NINJ2: variants seen among roughly 807,000 people sequenced by gnomAD.
NINJ2 encodes ninjurin 2.
Under a neutral mutation model 11.7 loss-of-function variants are expected in NINJ2, and 12 were observed. The observed-to-expected ratio is 1.02, with a 90% confidence interval of 0.66 to 1.66. The LOEUF (loss-of-function observed/expected upper bound fraction) is 1.66. NINJ2 is among the 40% of genes most tolerant of loss of function. The pLI, the probability that NINJ2 is intolerant of heterozygous loss-of-function variation, is 0.00. For missense variants in NINJ2, 187 were observed against 181.8 expected, an observed-to-expected ratio of 1.03 and a Z score of -0.16; for synonymous variants, 93 against 76.8, an observed-to-expected ratio of 1.21 and a Z score of -1.10.
intron 1 of NINJ2, among the ~76,000 whole-genome samples, chr12:652,174 A>C (rs1937805176): frequency 6.6e-6 from 1 of 152,178 alleles, no homozygotes. Context: ...GAAAGAATAC[A>C]CAAGAAAAAA....
intron 1 of NINJ2, among the ~76,000 whole-genome samples, chr12:639,555 GAAAA>G (rs950986532): frequency 5.1e-4 from 77 of 151,752 alleles, no homozygotes; most frequent in Non-Finnish European, 5.7e-4. Flanking sequence ...GAACAGAAAA[GAAAA>G]AAAAGTCCCC....
intron 1 of NINJ2, among the ~76,000 whole-genome samples, chr12:571,005 T>A (rs185821766): frequency 6.6e-6 from 1 of 152,250 alleles, no homozygotes; most frequent in African/African-American, 2.4e-5. Flanking sequence ...TTTCCCAGGC[T>A]GAGATCCCTC....
At position 591,078 on chromosome 12, in the gene NINJ2, T is replaced by C. The variant is rs143779594; in HGVS notation, c.34-24900A>G. ...GAATCCAGGACACTAGCACTCACTA[T>C]CAAGGTTATAGGGAGGTGGCAGAGA... On this transcript the variant is annotated intron_variant, in intron 1 of 3. Coordinates refer to ENST00000305108, the MANE Select transcript of NINJ2 (RefSeq NM_016533.6). This position sits in a 1 kb window ranked among gnomAD's most constrained non-coding sequence, Gnocchi z 5.0. 1.3e-5 allele frequency: 2 copies of C among 152,318 alleles called. No homozygotes were observed. Among genetic ancestry groups the C allele is most frequent in the East Asian group, 3.9e-4 (2 of 5,176 alleles). 9.4% of individuals were successfully genotyped at this position (152,318 alleles called of 1,614,324 possible).
Position 658,366 on chromosome 12 carries a change from G to A in NINJ2, c.33+4962C>T, listed in dbSNP as rs116757321. ...CTTGGAAGCAACCAAGATGTCCTTC[G>A]GTAGGTGAATAAAATAAACAGTAGT... is the stretch of plus-strand genomic sequence containing the variant. On this transcript the variant is annotated intron_variant, in intron 1 of 3. Transcript: ENST00000305108. Among the ~76,000 whole-genome samples the A allele has an allele frequency of 8.8e-3, 1,331 of 152,016 alleles. 20 individuals are homozygous for A. The highest frequency in any genetic ancestry group is 0.029 in the African/African-American group (1,212 of 41,446).
intron 1 of NINJ2, among the ~76,000 whole-genome samples, chr12:598,409 G>C (rs11063797): frequency 0.38 from 57,799 of 152,018 alleles, 11,403 homozygotes; most frequent in African/African-American, 0.49. Flanking sequence ...GAGAGGACTG[G>C]AGAGGGCTGC....
At chr12:587,652 G>A (rs2607935) in intron 1 of NINJ2, among the ~76,000 whole-genome samples, 73,953 of 151,912 alleles carry the variant, frequency 0.49, 18,537 homozygotes, top group Non-Finnish European at 0.56. Flanking sequence ...CCTGCCCAGC[G>A]CTGAGCCATT....
In NINJ2 at chr12:602,069, C is replaced by T. The variant is rs149522203; in HGVS notation, c.34-35891G>A. ...CTGTGTCACTTCAGACGCAATGTCC[C>T]GTGTGGTGATGACTGAGGAACCCCA... On this transcript the variant is annotated intron_variant, in intron 1 of 3. Transcript: ENST00000305108. Among the ~76,000 whole-genome samples, 5 of 152,182 alleles carry T rather than the reference C, an allele frequency of 3.3e-5. No individual in the cohort carries two copies. The East Asian group carries it at 7.7e-4, about 23-fold the overall frequency.
At chr12:652,247 G>A (rs1937806216) in intron 1 of NINJ2, among the ~76,000 whole-genome samples, 1 of 152,220 alleles carries the variant, frequency 6.6e-6, no homozygotes, top group Admixed American at 6.5e-5. Context: ...GACACATGCG[G>A]AGAAGAAAGT....
At chr12:658,968 C>T (rs188894842) in intron 1 of NINJ2, among the ~76,000 whole-genome samples, 17 of 151,244 alleles carry the variant, frequency 1.1e-4, no homozygotes, top group Admixed American at 9.2e-4. Flanking sequence ...GGCCTTCCTT[C>T]TCCATTTTGC....
At chr12:573,974 C>T (rs1947414992) in intron 1 of NINJ2, among the ~76,000 whole-genome samples, 1 of 152,192 alleles carries the variant, frequency 6.6e-6, no homozygotes, top group Non-Finnish European at 1.5e-5. Context: ...TGGCTCATGC[C>T]TGTAATCCCA....
intron 1 of NINJ2, among the ~76,000 whole-genome samples, chr12:616,418 T>C (rs1044109698): frequency 6.6e-6 from 1 of 152,178 alleles, no homozygotes; most frequent in Non-Finnish European, 1.5e-5. Context: ...TGTGTGTAGG[T>C]CCAGGGGTTT....
At chr12:658,303 C>G (rs1327071787) in intron 1 of NINJ2, among the ~76,000 whole-genome samples, 3 of 152,164 alleles carry the variant, frequency 2.0e-5, no homozygotes, top group Non-Finnish European at 4.4e-5. Flanking sequence ...CTGCGCCCAG[C>G]TGAGTGGCTT....
intron 1 of NINJ2, among the ~76,000 whole-genome samples, chr12:649,612 T>C (rs1250904277): frequency 1.3e-5 from 2 of 149,210 alleles, no homozygotes; most frequent in East Asian, 3.9e-4. Context: ...AATTTTCTTT[T>C]TTAAACTACA....
chr12:612,916 G>A (rs947306205), intron 1 of NINJ2, among the ~76,000 whole-genome samples: 1 of 152,212 alleles, frequency 6.6e-6, no homozygotes, highest in Non-Finnish European at 1.5e-5. Flanking sequence ...TTGATCGCCT[G>A]ATCGGCTGAT....
intron 1 of NINJ2, among the ~76,000 whole-genome samples, chr12:608,360 T>C (rs922283604): frequency 6.6e-6 from 1 of 152,226 alleles, no homozygotes; most frequent in Non-Finnish European, 1.5e-5. Flanking sequence ...ATGTTACCCT[T>C]GAATAATAGC....
chr12:579,406 T>C (rs1032784104), intron 1 of NINJ2, among the ~76,000 whole-genome samples: 1 of 151,938 alleles, frequency 6.6e-6, no homozygotes, highest in Non-Finnish European at 1.5e-5. Flanking sequence ...CCGAAGCCCC[T>C]GTGAAAGAAA....
chr12:609,613 C>CA (rs368661388), intron 1 of NINJ2, among the ~76,000 whole-genome samples: 35,575 of 150,816 alleles, frequency 0.24, 4,369 homozygotes, highest in Middle Eastern at 0.35. Flanking sequence ...ACTAAAAATA[C>CA]AAAAAAAATT....
intron 1 of NINJ2, among the ~76,000 whole-genome samples, chr12:568,567 TCTCTGA>T (rs2120783847): frequency 6.6e-6 from 1 of 152,320 alleles, no homozygotes; most frequent in Non-Finnish European, 1.5e-5. Flanking sequence ...AGGCTGCCCC[TCTCTGA>T]CTCTGTGGAC....
chr12:658,542 T>A (rs1425029258), intron 1 of NINJ2, among the ~76,000 whole-genome samples: 1 of 152,106 alleles, frequency 6.6e-6, no homozygotes, highest in Non-Finnish European at 1.5e-5. Flanking sequence ...TGTGACACTC[T>A]GGAAAAGGCA....
Sources: allele counts gnomAD v4.1 joint callset (sites outside exome capture counted in the v4.1 genomes callset), GRCh38; gene constraint gnomAD v4.1.1; non-coding constraint Gnocchi (gnomAD v3.1); transcripts MANE v1.5; gene names NCBI Gene and HGNC (gene_info 2026-07-23, HGNC 2026-07-21).